The following GRIK1 variants were observed in gnomAD, a reference collection of about 807,000 sequenced individuals.
The protein encoded by GRIK1 is glutamate receptor ionotropic, kainate 1.
A neutral mutation model predicts 105.7 loss-of-function variants in GRIK1; 69 were observed. The observed-to-expected ratio is 0.65, with a 90% CI of 0.54 to 0.80. GRIK1 has a LOEUF of 0.80. GRIK1 is among the 30% of genes least tolerant of loss of function. The pLI, the probability that GRIK1 is intolerant of heterozygous loss-of-function variation, is 0.00. For synonymous variants in GRIK1, 438 were observed against 431.3 expected, an observed-to-expected ratio of 1.02 and a Z score of -0.19; for missense variants, 1,109 against 1,167.3, an observed-to-expected ratio of 0.95 and a Z score of 0.73.
intron 1 of GRIK1, among the ~76,000 whole-genome samples, chr21:29,886,392 A>G (rs2069629159): frequency 6.6e-6 from 1 of 152,186 alleles, no homozygotes; most frequent in South Asian, 2.1e-4. Context: ...TTGAAGATAT[A>G]GAACTGGGCT....
intron 1 of GRIK1, among the ~76,000 whole-genome samples, chr21:29,773,591 A>T (rs946624708): frequency 6.6e-6 from 1 of 152,128 alleles, no homozygotes; most frequent in African/African-American, 2.4e-5. Context: ...CAGTAACTAG[A>T]TCATCCCGCT....
intron 12 of GRIK1, among the ~76,000 whole-genome samples, chr21:29,584,984 G>C (rs555678004): frequency 1.3e-5 from 2 of 152,204 alleles, no homozygotes; most frequent in Non-Finnish European, 2.9e-5. Context: ...GTTGAAAGTA[G>C]AATCTTCATG....
At chr21:29,912,443 T>C (rs573433243) in intron 1 of GRIK1, among the ~76,000 whole-genome samples, 9 of 152,010 alleles carry the variant, frequency 5.9e-5, no homozygotes, top group Non-Finnish European at 1.3e-4. Flanking sequence ...CATCAGTAAA[T>C]ACTCTTAGTC....
At chr21:29,667,145 A>ATAG (rs2063075333) in intron 4 of GRIK1, among the ~76,000 whole-genome samples, 1 of 152,246 alleles carries the variant, frequency 6.6e-6, no homozygotes, top group Non-Finnish European at 1.5e-5. Context: ...TAGTGGGCAC[A>ATAG]TGTTTACCAT....
rs553292277 is a variant in GRIK1, at chr21:29,895,712, T to C, written c.118+43671A>G. On this transcript the variant is annotated intron_variant, in intron 1 of 17. Coordinates refer to ENST00000327783, the MANE Select transcript of GRIK1 (RefSeq NM_001330994.2). ...TTCATATTGGTCTTCCTTTAATACA[T>C]GCAGGACAGTATCATCATTAGTATG... Among the ~76,000 whole-genome samples, 7 of 152,300 alleles carry C rather than the reference T, an allele frequency of 4.6e-5. No homozygotes were observed. The East Asian group carries it at 1.4e-3, about 29-fold the overall frequency.
intron 7 of GRIK1, among the ~76,000 whole-genome samples, chr21:29,614,974 G>C (rs1411317318): frequency 6.6e-6 from 1 of 151,516 alleles, no homozygotes; most frequent in South Asian, 2.1e-4. Context: ...GGTATCTCTT[G>C]TGTACACTAA....
chr21:29,861,254 G>A (rs906798003), intron 1 of GRIK1, among the ~76,000 whole-genome samples: 1 of 152,134 alleles, frequency 6.6e-6, no homozygotes, highest in Non-Finnish European at 1.5e-5. Context: ...ATCTTATGGG[G>A]AAATCACTCA....
intron 7 of GRIK1, among the ~76,000 whole-genome samples, chr21:29,600,701 G>A (rs143670972): frequency 1.6e-3 from 247 of 152,316 alleles, no homozygotes; most frequent in African/African-American, 5.7e-3. Context: ...CTGAATATCT[G>A]CAGTGTAACT....
At position 29,537,897 on chromosome 21, in the gene GRIK1, AAAG is replaced by A; in HGVS notation, c.2608-16_2608-14del. ...ATGACTTTCCTTTCTGATAAAAAAA[AAAG>A]AAAAAAAAACAATTTTAAATTGTAC... On this transcript the variant is annotated splice_polypyrimidine_tract_variant and intron_variant, in intron 16 of 17. Transcript: ENST00000327783. 8.7e-7 allele frequency: 1 copy of A among 1,144,736 alleles called. No individual in the cohort carries two copies. The highest frequency in any genetic ancestry group is 1.3e-6 in the Non-Finnish European group (1 of 773,342). The allele number at this position is 1,144,736 out of a possible 1,614,324, so 70.9% of individuals were successfully genotyped here. A position where few individuals can be genotyped will look rare whatever the true frequency, so the allele number is the denominator to read the frequency against.
intron 1 of GRIK1, among the ~76,000 whole-genome samples, chr21:29,711,358 G>C (rs1267553930): frequency 6.6e-6 from 1 of 152,190 alleles, no homozygotes; most frequent in East Asian, 1.9e-4. Context: ...CCTAGGAGCA[G>C]TAGGCTATAC....
intron 1 of GRIK1, among the ~76,000 whole-genome samples, chr21:29,785,816 G>A (rs2066244910): frequency 6.6e-6 from 1 of 152,116 alleles, no homozygotes; most frequent in African/African-American, 2.4e-5. Flanking sequence ...CATTCCCAAG[G>A]CTTTATCCCT....
intron 1 of GRIK1, among the ~76,000 whole-genome samples, chr21:29,865,414 C>T (rs1396937215): frequency 6.6e-6 from 1 of 152,174 alleles, no homozygotes; most frequent in African/African-American, 2.4e-5. Flanking sequence ...AATGAAAACA[C>T]TTTTATACCA....
intron 1 of GRIK1, among the ~76,000 whole-genome samples, chr21:29,825,080 C>T (rs2067414590): frequency 6.6e-6 from 1 of 151,834 alleles, no homozygotes; most frequent in Non-Finnish European, 1.5e-5. Context: ...AAGATTAGAG[C>T]CAGAGACACT....
chr21:29,912,898 C>T (rs1423252867), intron 1 of GRIK1, among the ~76,000 whole-genome samples: 8 of 152,012 alleles, frequency 5.3e-5, no homozygotes, highest in Non-Finnish European at 1.0e-4. Flanking sequence ...AATATACTTA[C>T]TTGTTTAAAA....
chr21:29,611,653 T>A (rs1052280423), intron 7 of GRIK1, among the ~76,000 whole-genome samples: 6 of 152,178 alleles, frequency 3.9e-5, no homozygotes, highest in Non-Finnish European at 8.8e-5. Context: ...GTTAGTAAGA[T>A]GTACCCAGAG....
chr21:29,793,224 A>G (rs2066471821), intron 1 of GRIK1, among the ~76,000 whole-genome samples: 1 of 152,216 alleles, frequency 6.6e-6, no homozygotes. Context: ...TAAGCCAGAT[A>G]ACATGAACAT....
intron 1 of GRIK1, among the ~76,000 whole-genome samples, chr21:29,840,051 T>C (rs1430759271): frequency 1.3e-5 from 2 of 152,192 alleles, no homozygotes; most frequent in East Asian, 1.9e-4. Flanking sequence ...TTCCTTGAAG[T>C]TGGGGATGGA....
At position 29,598,847 on chromosome 21, in the gene GRIK1, C is replaced by T. The variant is rs2061465271; in HGVS notation, c.1189G>A (p.Glu397Lys). The T allele has an allele frequency of 6.7e-7, 1 of 1,491,498 alleles. No homozygotes were observed. Among genetic ancestry groups the T allele is most frequent in the Non-Finnish European group, 9.3e-7 (1 of 1,072,654 alleles). 92.4% of individuals were successfully genotyped at this position (1,491,498 alleles called of 1,614,324 possible). A position where few individuals can be genotyped will look rare whatever the true frequency, so the allele number is the denominator to read the frequency against. The stretch of plus-strand genomic sequence containing the variant: ...GAGGTTACCTTTTCAGTTCCTTCCT[C>T]TTTGAGACTAATAATGTCCAGATCA... ...DFDLDIISLKEEGTEKAAGEV... is the reference protein window; with the variant it reads ...DFDLDIISLKKEGTEKAAGEV... The change falls in exon 8 of 18, where the codon GAG becomes AAG. Residue 397 changes from glutamate (E) to lysine (K), a missense_variant. Transcript: ENST00000327783.
intron 14 of GRIK1, among the ~76,000 whole-genome samples, chr21:29,575,764 G>A (rs944584977): frequency 5.9e-5 from 9 of 152,158 alleles, no homozygotes. Context: ...CCCGGAGGGT[G>A]GAGGTTGCAG....
Sources: gnomAD v4.1 joint callset for allele counts (sites outside exome capture counted in the v4.1 genomes callset) on GRCh38, gnomAD v4.1.1 for gene constraint, MANE v1.5 for transcripts, NCBI Gene and HGNC (gene_info 2026-07-23, HGNC 2026-07-21) for gene names.